The following IFFO2 variants were observed in gnomAD, a reference collection of about 807,000 sequenced individuals.
IFFO2 encodes the protein intermediate filament family orphan 2.
Under a neutral mutation model 53.5 loss-of-function variants are expected in IFFO2, and 19 were observed. The observed-to-expected ratio is 0.36, with a 90% CI of 0.25 to 0.52. The LOEUF (loss-of-function observed/expected upper bound fraction) is 0.52. IFFO2 is among the 20% of genes least tolerant of loss of function. The probability of loss-of-function intolerance (pLI) is 0.94; values close to 1 mark genes in which losing one functional copy is unlikely to be tolerated. For missense variants in IFFO2, 570 were observed against 727.4 expected, an observed-to-expected ratio of 0.78 and a Z score of 2.49; for synonymous variants, 303 against 313.6, an observed-to-expected ratio of 0.97 and a Z score of 0.36.
chr1:18,934,832 G>A (rs543594166), intron 1 of IFFO2, among the ~76,000 whole-genome samples: 1 of 152,332 alleles, frequency 6.6e-6, no homozygotes, highest in Admixed American at 6.5e-5. Context: ...GACACAGCAG[G>A]TGGCTGCAGG....
chr1:18,926,974 A>G (rs1230727082), intron 1 of IFFO2, among the ~76,000 whole-genome samples: 1 of 152,100 alleles, frequency 6.6e-6, no homozygotes, highest in Non-Finnish European at 1.5e-5. Context: ...GCATCCCAAG[A>G]CACCAGGGCA....
chr1:18,925,056 T>C (rs139784427), intron 1 of IFFO2, among the ~76,000 whole-genome samples: 111 of 151,832 alleles, frequency 7.3e-4, no homozygotes, highest in African/African-American at 2.4e-3. Context: ...CAACAGCTCA[T>C]AAAACTTCCA....
In IFFO2 at chr1:18,948,339, C is replaced by CA. The variant is rs1936616226; in HGVS notation, c.665+7328_665+7329insT. Among the ~76,000 whole-genome samples the CA allele has an allele frequency of 3.9e-5, 6 of 152,324 alleles. No individual in the cohort carries two copies. The South Asian group carries it at 1.0e-3, about 26-fold the overall frequency. On this transcript the variant is annotated intron_variant, in intron 1 of 8. Transcript: ENST00000455833. Reference sequence around the variant, plus strand: ...GCATGCACAGAGTTGTGCTACATTACGGAGAGAACGTAGTCTTCATAGGGT... The same window carrying CA: ...GCATGCACAGAGTTGTGCTACATTACAGGAGAGAACGTAGTCTTCATAGGGT...
intron 1 of IFFO2, among the ~76,000 whole-genome samples, chr1:18,950,086 G>A (rs1413407754): frequency 6.6e-6 from 1 of 152,226 alleles, no homozygotes; most frequent in African/African-American, 2.4e-5. Context: ...GGAGGGGTTT[G>A]TGTGTTTCTC....
At position 18,955,725 on chromosome 1, in the gene IFFO2, C is replaced by T. The variant is rs772333971; in HGVS notation, c.608G>A (p.Arg203His). 1 of 1,593,936 alleles carries T rather than the reference C, an allele frequency of 6.3e-7. No individual in the cohort carries two copies. Among genetic ancestry groups the T allele is most frequent in the Admixed American group, 1.7e-5 (1 of 58,478 alleles). Residue 203 changes from arginine (R) to histidine (H), a missense_variant, in exon 1 of 9, where the codon CGC becomes CAC. Arg to His is a conservative substitution (Grantham distance 29). Transcript: ENST00000455833. ...VQIDTITPEIRALYNVLAKVK... is the reference protein window; with the variant it reads ...VQIDTITPEIHALYNVLAKVK... The stretch of plus-strand genomic sequence containing the variant: ...CTTGGCCAGCACGTTGTAGAGCGCG[C>T]GGATCTCCGGCGTGATGGTGTCGAT...
intron 1 of IFFO2, among the ~76,000 whole-genome samples, chr1:18,922,937 A>T (rs965257561): frequency 6.6e-6 from 1 of 151,850 alleles, no homozygotes; most frequent in Non-Finnish European, 1.5e-5. Flanking sequence ...GAAAGTTCCC[A>T]GGCCACCCCA....
Position 18,910,407 on chromosome 1 carries a change from G to T in IFFO2, c.1383C>A (p.Ser461Arg). The change falls in exon 8 of 9, where the codon AGC becomes AGA. Residue 461 changes from serine to arginine, a missense_variant. Coordinates refer to ENST00000455833, the MANE Select transcript of IFFO2 (RefSeq NM_001136265.2). Reference protein sequence around the residue: ...RHLHEYMEMCSMKRGLDVQME... With the variant: ...RHLHEYMEMCRMKRGLDVQME... Reference sequence around the variant, plus strand: ...TCTGCACGTCCAGGCCTCGCTTCATGCTGCACATCTCCATGTACTCGTGCA... The same window carrying T: ...TCTGCACGTCCAGGCCTCGCTTCATTCTGCACATCTCCATGTACTCGTGCA... 6.2e-7 allele frequency: 1 copy of T among 1,614,040 alleles called. No homozygotes were observed. Among genetic ancestry groups the T allele is most frequent in the Non-Finnish European group, 8.5e-7 (1 of 1,179,926 alleles).
At chr1:18,942,908 G>A (rs1466845372) in intron 1 of IFFO2, among the ~76,000 whole-genome samples, 1 of 145,548 alleles carries the variant, frequency 6.9e-6, no homozygotes, top group Non-Finnish European at 1.5e-5. Context: ...GCAAGATCTT[G>A]GCTCACTGCA....
intron 1 of IFFO2, among the ~76,000 whole-genome samples, chr1:18,927,322 G>T (rs1331808783): frequency 7.2e-6 from 1 of 139,408 alleles, no homozygotes; most frequent in Non-Finnish European, 1.6e-5. Flanking sequence ...GAAGGGAAAT[G>T]AGCTCAGGTG....
chr1:18,941,534 A>C (rs967111130), intron 1 of IFFO2, among the ~76,000 whole-genome samples: 1 of 152,224 alleles, frequency 6.6e-6, no homozygotes, highest in African/African-American at 2.4e-5. Context: ...AAGGCAGTCT[A>C]TGAAAACACA....
In IFFO2 at chr1:18,905,593, T is replaced by C. The variant is rs1194954125; in HGVS notation, c.*2968A>G. 6.6e-6 allele frequency: 1 copy of C among 152,122 alleles called. No individual in the cohort carries two copies. Among genetic ancestry groups the C allele is most frequent in the South Asian group, 2.1e-4 (1 of 4,828 alleles). The allele number at this position is 152,122 out of a possible 1,614,324, so 9.4% of individuals were successfully genotyped here. Reference sequence around the variant, plus strand: ...AGTTAGTCCACGATGGATTTGGCCCTTCAGGGACCTCAAGACATTTTCTCA... The same window carrying C: ...AGTTAGTCCACGATGGATTTGGCCCCTCAGGGACCTCAAGACATTTTCTCA... On this transcript the variant is annotated 3_prime_UTR_variant, in exon 9 of 9. Coordinates refer to ENST00000455833, the MANE Select transcript of IFFO2 (RefSeq NM_001136265.2).
Position 18,919,752 on chromosome 1 carries a change from T to C in IFFO2, c.748A>G (p.Ile250Val). Residue 250 changes from isoleucine to valine, a missense_variant, in exon 3 of 9, where the codon ATC (isoleucine) becomes GTC (valine). By Grantham distance (29) the Ile-to-Val change is conservative (BLOSUM62 3). Transcript: ENST00000455833. The surrounding 1 kb of genome is among the most constrained non-coding windows in gnomAD (Gnocchi z 4.9). ...ATCTTCTCATTCATCTCCTCCTGGA[T>C]GGCATCAGCCTCCTGTGCTGCCTGC... ...LQEAAQEADAIQEEMNEKIER... is the reference protein window; with the variant it reads ...LQEAAQEADAVQEEMNEKIER... 6.4e-7 allele frequency: 1 copy of C among 1,551,518 alleles called. No homozygotes were observed. The highest frequency in any genetic ancestry group is 8.7e-7 in the Non-Finnish European group (1 of 1,146,894).
intron 5 of IFFO2, among the ~76,000 whole-genome samples, chr1:18,914,371 A>G (rs1031072931): frequency 1.3e-5 from 2 of 152,212 alleles, no homozygotes; most frequent in Non-Finnish European, 2.9e-5. Flanking sequence ...GGGACTTTAT[A>G]AAAGCAGGGA....
In IFFO2 at chr1:18,912,021, G is replaced by A. The variant is rs1166289422; in HGVS notation, c.1166C>T (p.Thr389Met). 1 of 1,551,796 alleles carries A rather than the reference G, an allele frequency of 6.4e-7. No individual in the cohort carries two copies. Among genetic ancestry groups the A allele is most frequent in the Non-Finnish European group, 8.7e-7 (1 of 1,147,000 alleles). ...DSLTWEENED[T>M]LLLWEDFTNC... is the part of the protein sequence containing the mutation. ...GGTGAAATCCTCCCAGAGCAGCAGC[G>A]TGTCTTCATTCTCTTCCCACGTCAG... The change falls in exon 6 of 9, where the codon ACG (threonine) becomes ATG (methionine). Residue 389 changes from threonine (T) to methionine (M), a missense_variant. Transcript: ENST00000455833.
intron 1 of IFFO2, among the ~76,000 whole-genome samples, chr1:18,935,644 A>T (rs1936438070): frequency 2.0e-5 from 3 of 150,194 alleles, no homozygotes; most frequent in Admixed American, 6.6e-5. Context: ...GAGGTTACTG[A>T]TCCCCTGCTG....
At chr1:18,946,864 G>C (rs1464081101) in intron 1 of IFFO2, among the ~76,000 whole-genome samples, 1 of 152,222 alleles carries the variant, frequency 6.6e-6, no homozygotes, top group Non-Finnish European at 1.5e-5. Flanking sequence ...AAACCACTTT[G>C]AATGAAGCCT....
intron 1 of IFFO2, among the ~76,000 whole-genome samples, chr1:18,930,451 C>T (rs923820177): frequency 1.4e-4 from 21 of 152,294 alleles, no homozygotes; most frequent in Admixed American, 1.1e-3. Context: ...GCTGGCAGTA[C>T]AAGGGGACAG....
chr1:18,909,700 C>A (rs1455161771), intron 8 of IFFO2, among the ~76,000 whole-genome samples: 1 of 152,212 alleles, frequency 6.6e-6, no homozygotes, highest in Admixed American at 6.5e-5. Flanking sequence ...TTTCCTGAGG[C>A]CTCCTCAGCC....
At chr1:18,915,193 A>G (rs1366546691) in intron 5 of IFFO2, among the ~76,000 whole-genome samples, 5 of 152,078 alleles carry the variant, frequency 3.3e-5, no homozygotes, top group East Asian at 1.9e-4. Context: ...CATTTGTACA[A>G]TGAAGTGGCT....
Sources: allele counts gnomAD v4.1 joint callset (sites outside exome capture counted in the v4.1 genomes callset), GRCh38; gene constraint gnomAD v4.1.1; non-coding constraint Gnocchi (gnomAD v3.1); transcripts MANE v1.5; gene names NCBI Gene and HGNC (gene_info 2026-07-23, HGNC 2026-07-21).